Variants in TLK1 observed in about 807,000 individuals in gnomAD.
TLK1 encodes the protein serine/threonine-protein kinase tousled-like 1.
Under a neutral mutation model 105.3 loss-of-function variants are expected in TLK1, and 24 were observed. That is an observed-to-expected ratio of 0.23 (90% confidence interval 0.17 to 0.32). The LOEUF is 0.32. Among genes scored for constraint, TLK1 ranks in the 10% least tolerant of loss-of-function variants. The pLI is 1.00. For synonymous variants in TLK1, 321 were observed against 310.4 expected (o/e 1.03, Z -0.36); for missense variants, 558 against 910.5 (o/e 0.61, Z 4.98).
At chr2:171,082,876 A>G (rs1461257111) in intron 2 of TLK1, 24 bp from the exon 3 acceptor site, 1 of 1,542,722 alleles carries the variant, frequency 6.5e-7, no homozygotes, top group Non-Finnish European at 8.9e-7. Flanking sequence ...TTTAAAAGGT[A>G]AAAATTAGGA....
At chr2:171,072,098 C>T (rs1292080677) in intron 3 of TLK1, among the ~76,000 whole-genome samples, 1 of 152,130 alleles carries the variant, frequency 6.6e-6, no homozygotes, top group Non-Finnish European at 1.5e-5. Context: ...TGGTTCTATA[C>T]AAATTTTAGA....
At position 171,067,620 on chromosome 2, in the gene TLK1, T is replaced by TA. The variant is rs199791833; in HGVS notation, c.331-6465_331-6464insT. 9.9e-4 allele frequency among the ~76,000 whole-genome samples: 150 copies of TA among 152,214 alleles called. 3 individuals carry two copies. In the East Asian group the frequency reaches 0.013, roughly 14 times the overall value. On this transcript the variant is annotated intron_variant, in intron 3 of 20. Transcript: ENST00000431350. ...TTCTCTATACCAATACAACTTTTTTTTTATTATTATACTTTAAGTTCTGAG... is the reference window on the plus strand; with the variant it reads ...TTCTCTATACCAATACAACTTTTTTTATTATTATTATACTTTAAGTTCTGAG...
intron 6 of TLK1, among the ~76,000 whole-genome samples, chr2:171,056,098 C>T (rs1687488896): frequency 1.3e-5 from 2 of 151,936 alleles, no homozygotes; most frequent in Non-Finnish European, 2.9e-5. Context: ...AGGAATTATG[C>T]TATCATTTTA....
rs1213016029 is a variant in TLK1, at chr2:170,993,506, T to G, written c.*274A>C. On this transcript the variant is annotated 3_prime_UTR_variant, in exon 21 of 21. Coordinates refer to ENST00000431350, the MANE Select transcript of TLK1 (RefSeq NM_012290.5). ...TAAACAAAATTTTTTTCCTCTATCT[T>G]AACATGGTATTCCTGTTTCTGTGTA... 4 of 298,726 alleles carry G rather than the reference T, an allele frequency of 1.3e-5. No homozygotes were observed. The highest frequency in any genetic ancestry group is 2.4e-5 in the Non-Finnish European group (4 of 165,576). The allele number at this position is 298,726 out of a possible 1,614,324, so 18.5% of individuals were successfully genotyped here.
chr2:171,161,312 C>A (rs1000609295), upstream of TLK1, among the ~76,000 whole-genome samples: 1 of 152,090 alleles, frequency 6.6e-6, no homozygotes, highest in East Asian at 1.9e-4. Context: ...TGCTGCTGCT[C>A]TCGCTCAGCT....
At chr2:170,999,390 C>T (rs1165929789) in intron 18 of TLK1, among the ~76,000 whole-genome samples, 1 of 152,068 alleles carries the variant, frequency 6.6e-6, no homozygotes, top group Non-Finnish European at 1.5e-5. Flanking sequence ...TTTATTTTGT[C>T]AATAAAAGTG....
chr2:171,080,744 G>A (rs1009271315), intron 3 of TLK1, among the ~76,000 whole-genome samples: 6 of 149,874 alleles, frequency 4.0e-5, no homozygotes, highest in African/African-American at 1.5e-4. Context: ...GTCTCACTCT[G>A]TTGCCCAGGC....
At chr2:171,173,093 A>G (rs146877160) in intron 1 of TLK1, among the ~76,000 whole-genome samples, 2 of 152,330 alleles carry the variant, frequency 1.3e-5, no homozygotes, top group African/African-American at 2.4e-5. Flanking sequence ...TAACTATAGC[A>G]TATCCTGTTA....
intron 2 of TLK1, among the ~76,000 whole-genome samples, chr2:171,086,589 A>G (rs545561695): frequency 6.6e-6 from 1 of 151,656 alleles, no homozygotes; most frequent in African/African-American, 2.4e-5. Flanking sequence ...TCGCACCACT[A>G]TATGCCAGCC....
At chr2:171,021,584 C>T (rs1685509989) in intron 12 of TLK1, among the ~76,000 whole-genome samples, 1 of 151,292 alleles carries the variant, frequency 6.6e-6, no homozygotes, top group South Asian at 2.1e-4. Flanking sequence ...TCCTTTTAAA[C>T]CTAGTCTTCT....
chr2:171,087,587 C>A (rs1471223544), intron 2 of TLK1, among the ~76,000 whole-genome samples: 2 of 152,084 alleles, frequency 1.3e-5, no homozygotes, highest in Non-Finnish European at 2.9e-5. Flanking sequence ...CAAAATTTGG[C>A]AAAGACATTA....
At chr2:171,169,716 T>C (rs753306805) in intron 1 of TLK1, among the ~76,000 whole-genome samples, 1 of 152,196 alleles carries the variant, frequency 6.6e-6, no homozygotes, top group Non-Finnish European at 1.5e-5. Context: ...AAAAACGCTG[T>C]ATTTTTTCAA....
At chr2:171,175,891 T>C (rs937309432) in intron 1 of TLK1, among the ~76,000 whole-genome samples, 1 of 152,060 alleles carries the variant, frequency 6.6e-6, no homozygotes, top group African/African-American at 2.4e-5. Flanking sequence ...TGTATCAGAA[T>C]CTTTGGGGCT....
At chr2:171,007,397 A>G (rs963009980) in intron 14 of TLK1, among the ~76,000 whole-genome samples, 2 of 152,026 alleles carry the variant, frequency 1.3e-5, no homozygotes, top group African/African-American at 4.8e-5. Flanking sequence ...GCAGCCAGGA[A>G]AACAGATGAC....
intron 1 of TLK1, among the ~76,000 whole-genome samples, chr2:171,125,638 A>T (rs750590347): frequency 2.0e-5 from 3 of 152,232 alleles, no homozygotes; most frequent in Non-Finnish European, 2.9e-5. Flanking sequence ...CTCTGCCATT[A>T]TAAAGCAAAA....
chr2:171,159,329 T>G (rs1328145997), intron 1 of TLK1, among the ~76,000 whole-genome samples: 1 of 152,252 alleles, frequency 6.6e-6, no homozygotes, highest in Non-Finnish European at 1.5e-5. Context: ...GCACATTTAT[T>G]CATTCCCCAT....
At chr2:171,116,805 C>T (rs962847445) in intron 2 of TLK1, among the ~76,000 whole-genome samples, 3 of 152,000 alleles carry the variant, frequency 2.0e-5, no homozygotes, top group Admixed American at 6.6e-5. Flanking sequence ...AGTGTTTCTG[C>T]GATATGGAAA....
chr2:171,056,447 T>C, intron 6 of TLK1, 24 bp downstream of exon 6: 1 of 1,603,568 alleles, frequency 6.2e-7, no homozygotes. Flanking sequence ...AGACTACACA[T>C]GAAAAACTTG....
intron 4 of TLK1, 82 bp from the exon 5 acceptor site, chr2:171,058,279 T>C (rs147968224): frequency 1.3e-4 from 159 of 1,224,576 alleles, no homozygotes; most frequent in Non-Finnish European, 1.8e-4. Context: ...ACATCAGCTA[T>C]CAATTTCACA....
Sources: allele counts gnomAD v4.1 joint callset (sites outside exome capture counted in the v4.1 genomes callset), GRCh38; gene constraint gnomAD v4.1.1; transcripts MANE v1.5; gene names NCBI Gene and HGNC (gene_info 2026-07-23, HGNC 2026-07-21).